The following DLGAP2 variants were observed in gnomAD, a reference collection of about 807,000 sequenced individuals.
DLGAP2 encodes the protein DLG associated protein 2.
A neutral mutation model predicts 100.3 loss-of-function variants in DLGAP2; 26 were observed. The ratio of observed to expected loss-of-function variants is 0.26; its 90% CI spans 0.19 to 0.36. The LOEUF (loss-of-function observed/expected upper bound fraction) is 0.36. Among genes scored for constraint, DLGAP2 ranks in the 10% least tolerant of loss-of-function variants. The pLI is 1.00. For synonymous variants in DLGAP2, 886 were observed against 630.1 expected (o/e 1.41, Z -6.08); for missense variants, 1,858 against 1,453.2 (o/e 1.28, Z -4.53).
chr8:1,157,571 C>G (rs1796815070), intron 2 of DLGAP2, among the ~76,000 whole-genome samples: 1 of 152,164 alleles, frequency 6.6e-6, no homozygotes, highest in Admixed American at 6.5e-5. Flanking sequence ...GTCCCGGCTC[C>G]CAGAGCAAGA....
In DLGAP2 at chr8:1,624,869, G is replaced by GTCTCTCTCTCTCTT. The variant is rs1797451809; in HGVS notation, c.1443-1858_1443-1857insTTCTCTCTCTCTCT. On this transcript the variant is annotated intron_variant, in intron 6 of 14. Transcript: ENST00000637795. ...TTTCTCTCTCTCTCTCTCTCTCTCTGTCTCTCTCTCTCTCTCTTTCCTTTT... is the reference window on the plus strand; with the variant it reads ...TTTCTCTCTCTCTCTCTCTCTCTCTGTCTCTCTCTCTCTTTCTCTCTCTCTCTCTCTTTCCTTTT... Among the ~76,000 whole-genome samples the GTCTCTCTCTCTCTT allele has an allele frequency of 3.3e-5, 5 of 149,668 alleles. No homozygotes were observed. The South Asian group carries it at 1.1e-3, about 32-fold the overall frequency.
intron 3 of DLGAP2, among the ~76,000 whole-genome samples, chr8:1,305,312 G>T (rs943898165): frequency 6.6e-6 from 1 of 152,334 alleles, no homozygotes; most frequent in South Asian, 2.1e-4. Flanking sequence ...AGTGGCTGTT[G>T]TTTCTGGGAT....
chr8:1,065,630 T>C (rs987026012), intron 2 of DLGAP2, among the ~76,000 whole-genome samples: 1 of 152,218 alleles, frequency 6.6e-6, no homozygotes, highest in African/African-American at 2.4e-5. Context: ...GTGCTTCCTT[T>C]CTTATGGGAT....
At chr8:1,530,523 A>C (rs1463418235) in intron 4 of DLGAP2, among the ~76,000 whole-genome samples, 1 of 152,222 alleles carries the variant, frequency 6.6e-6, no homozygotes, top group Non-Finnish European at 1.5e-5. Flanking sequence ...CTGAGGCGAC[A>C]TACATTCTCC....
intron 2 of DLGAP2, among the ~76,000 whole-genome samples, chr8:1,064,186 T>G (rs2129035810): frequency 6.6e-6 from 1 of 152,342 alleles, no homozygotes. Context: ...GCTCCCAATT[T>G]GCAACAATTA....
At chr8:1,139,218 C>T (rs1796478781) in intron 2 of DLGAP2, among the ~76,000 whole-genome samples, 1 of 152,192 alleles carries the variant, frequency 6.6e-6, no homozygotes, top group Non-Finnish European at 1.5e-5. Context: ...GGGGGAGCTC[C>T]CAGCCACCAA....
chr8:1,333,405 G>A lies in DLGAP2; in HGVS notation c.106+74522G>A, dbSNP rs141439246. Among the ~76,000 whole-genome samples, 652 of 152,266 alleles carry A rather than the reference G, an allele frequency of 4.3e-3. 4 individuals carry two copies. Among genetic ancestry groups the A allele is most frequent in the Non-Finnish European group, 6.2e-3 (423 of 68,016 alleles). ...TTGCTGCCATATTCTAATGTCCAGG[G>A]CCGTCTTCATTTATCCAACTGTGAT... On this transcript the variant is annotated intron_variant, in intron 3 of 14. Transcript: ENST00000637795.
At chr8:1,451,169 G>T (rs959185289) in intron 3 of DLGAP2, among the ~76,000 whole-genome samples, 5 of 152,106 alleles carry the variant, frequency 3.3e-5, no homozygotes, top group Admixed American at 6.5e-5. Context: ...GCCGCTGCCA[G>T]TGCTGCTGCA....
In DLGAP2 at chr8:1,426,631, T is replaced by C. The variant is rs1797244319; in HGVS notation, c.107-74735T>C. On this transcript the variant is annotated intron_variant, in intron 3 of 14. Coordinates refer to ENST00000637795, the MANE Select transcript of DLGAP2 (RefSeq NM_001346810.2). ...ATGATGTGAAACTCAAGACCATGCA[T>C]GACTAAGAGAAACTCTTATTAACCT... Among the ~76,000 whole-genome samples the C allele has an allele frequency of 2.6e-5, 4 of 152,172 alleles. 1 individual carries two copies. In the South Asian group the frequency reaches 8.3e-4, roughly 32 times the overall value.
In DLGAP2 at chr8:1,450,674, G is replaced by A. The variant is rs1171649529; in HGVS notation, c.107-50692G>A. ...TCCCACTCTGCAATTATGTGACACT[G>A]TGGTTCTAAATGGCCTATGTCCCCA... On this transcript the variant is annotated intron_variant, in intron 3 of 14. Transcript: ENST00000637795. Among the ~76,000 whole-genome samples, 4 of 152,062 alleles carry A rather than the reference G, an allele frequency of 2.6e-5. No homozygotes were observed. The East Asian group carries it at 5.8e-4, about 22-fold the overall frequency.
At chr8:1,345,783 C>A (rs900037761) in intron 3 of DLGAP2, among the ~76,000 whole-genome samples, 1 of 152,126 alleles carries the variant, frequency 6.6e-6, no homozygotes, top group African/African-American at 2.4e-5. Flanking sequence ...TTTCTTTGAT[C>A]AGTGTAATGA....
intron 1 of DLGAP2, among the ~76,000 whole-genome samples, chr8:756,178 C>A (rs1264237641): frequency 6.6e-6 from 1 of 151,918 alleles, no homozygotes; most frequent in Admixed American, 6.6e-5. Context: ...GGGTTGGGGC[C>A]ACGAGTGTCT....
chr8:1,346,726 T>A (rs1231752356), intron 3 of DLGAP2, among the ~76,000 whole-genome samples: 1 of 129,440 alleles, frequency 7.7e-6, no homozygotes, highest in Non-Finnish European at 1.7e-5. Context: ...TGAGTTCTCA[T>A]ACAGAGCTGA....
chr8:1,543,030 C>T (rs1801415445), intron 4 of DLGAP2, among the ~76,000 whole-genome samples: 1 of 152,160 alleles, frequency 6.6e-6, no homozygotes, highest in South Asian at 2.1e-4. Flanking sequence ...ATATTCAGCT[C>T]CTATGCCCAT....
intron 1 of DLGAP2, among the ~76,000 whole-genome samples, chr8:849,968 G>T (rs1311293422): frequency 6.6e-6 from 1 of 151,746 alleles, no homozygotes; most frequent in Non-Finnish European, 1.5e-5. Context: ...GGAGGCTGAG[G>T]CAGGAGAATT....
At chr8:1,240,142 G>A (rs1384225443) in intron 2 of DLGAP2, among the ~76,000 whole-genome samples, 1 of 144,314 alleles carries the variant, frequency 6.9e-6, no homozygotes. Flanking sequence ...GCCATGTGTA[G>A]TTCTCTCTCA....
rs1440365220 is a variant in DLGAP2 at position 881,366 on chromosome 8, A to T, written c.19-26546A>T. Reference sequence around the variant, plus strand: ...ACTGGTTGTATCTCTATCTCTGTAAATAGAGATTCTTATTTCTCAGATTGT... The same window carrying T: ...ACTGGTTGTATCTCTATCTCTGTAATTAGAGATTCTTATTTCTCAGATTGT... On this transcript the variant is annotated intron_variant, in intron 1 of 14. Transcript: ENST00000637795. Among the ~76,000 whole-genome samples, 3 of 152,200 alleles carry T rather than the reference A, an allele frequency of 2.0e-5. No homozygotes were observed. The East Asian group carries it at 5.8e-4, about 29-fold the overall frequency.
At chr8:1,133,949 A>G (rs930678857) in intron 2 of DLGAP2, among the ~76,000 whole-genome samples, 3 of 151,834 alleles carry the variant, frequency 2.0e-5, no homozygotes, top group African/African-American at 7.3e-5. Context: ...TTATCCAGAT[A>G]TTAAGCCCAG....
chr8:1,597,596 T>C (rs2130693324), intron 6 of DLGAP2, among the ~76,000 whole-genome samples: 1 of 152,312 alleles, frequency 6.6e-6, no homozygotes, highest in African/African-American at 2.4e-5. Flanking sequence ...CCCTTGTAAG[T>C]TGGATTCCTA....
Sources: gnomAD v4.1 joint callset for allele counts (sites outside exome capture counted in the v4.1 genomes callset) on GRCh38, gnomAD v4.1.1 for gene constraint, MANE v1.5 for transcripts, NCBI Gene and HGNC (gene_info 2026-07-23, HGNC 2026-07-21) for gene names.